The following PPP1R12A variants were observed in gnomAD, a reference collection of about 807,000 sequenced individuals.
PPP1R12A encodes myosin binding subunit.
Under a neutral mutation model 139.6 loss-of-function variants are expected in PPP1R12A, and 19 were observed. The observed-to-expected ratio is 0.14, with a 90% CI of 0.09 to 0.20. The LOEUF (loss-of-function observed/expected upper bound fraction) is 0.20, where lower values mean the gene tolerates loss of function less well. Ranked by LOEUF, PPP1R12A falls within the 10% of genes least tolerant of loss-of-function variation. PPP1R12A has a pLI of 1.00. For missense variants in PPP1R12A, 925 were observed against 1,211.5 expected (o/e 0.76, Z 3.51); for synonymous variants, 427 against 420.6 (o/e 1.02, Z -0.19).
intron 1 of PPP1R12A, among the ~76,000 whole-genome samples, chr12:79,921,194 T>C (rs1339699802): frequency 6.6e-6 from 1 of 152,038 alleles, no homozygotes; most frequent in Non-Finnish European, 1.5e-5. Flanking sequence ...GTAGAGGAGA[T>C]GTACTGTATG....
intron 1 of PPP1R12A, among the ~76,000 whole-genome samples, chr12:79,912,009 T>C (rs893110298): frequency 6.6e-6 from 1 of 152,226 alleles, no homozygotes; most frequent in Non-Finnish European, 1.5e-5. Flanking sequence ...CTGTTTGCTA[T>C]ACCATTCTTC....
chr12:79,854,738 C>T (rs1279027936), intron 2 of PPP1R12A, among the ~76,000 whole-genome samples: 1 of 151,982 alleles, frequency 6.6e-6, no homozygotes, highest in Non-Finnish European at 1.5e-5. Flanking sequence ...CAGGTGCAAT[C>T]ATAGTTTACT....
chr12:79,918,221 T>C (rs563955498), intron 1 of PPP1R12A, among the ~76,000 whole-genome samples: 2 of 151,738 alleles, frequency 1.3e-5, no homozygotes, highest in Non-Finnish European at 2.9e-5. Context: ...TCATAAATTG[T>C]TTTCTACTTG....
chr12:79,784,894 C>T lies in PPP1R12A; in HGVS notation c.2907+1480G>A, dbSNP rs113371992. 9.7e-3 allele frequency among the ~76,000 whole-genome samples: 1,482 copies of T among 152,274 alleles called. 31 individuals carry two copies. The highest frequency in any genetic ancestry group is 0.034 in the African/African-American group (1,427 of 41,540). ...CCTCAGGTGATCCGCCCACCTTGGA[C>T]TCCCAAAGTGCTGGAATTACAGGCG... On this transcript the variant is annotated intron_variant, in intron 22 of 24. Transcript: ENST00000450142.
intron 1 of PPP1R12A, chr12:79,913,653 T>C (rs1886769709): frequency 1.3e-5 from 2 of 152,214 alleles, no homozygotes; most frequent in African/African-American, 2.4e-5. Flanking sequence ...GACTTGGCTG[T>C]GCCTGGTCTT....
intron 3 of PPP1R12A, among the ~76,000 whole-genome samples, chr12:79,838,029 T>C (rs1878288284): frequency 6.6e-6 from 1 of 152,162 alleles, no homozygotes; most frequent in Non-Finnish European, 1.5e-5. Flanking sequence ...TGGAACAGTT[T>C]AGAGGGCTCA....
At chr12:79,800,420 TTTCTC>T (rs541111014) in intron 14 of PPP1R12A, among the ~76,000 whole-genome samples, 2 of 152,188 alleles carry the variant, frequency 1.3e-5, no homozygotes, top group Non-Finnish European at 2.9e-5. Flanking sequence ...ATAACATTCT[TTTCTC>T]TAGCTAGCTT....
intron 3 of PPP1R12A, among the ~76,000 whole-genome samples, chr12:79,837,583 T>C (rs1878231091): frequency 6.6e-6 from 1 of 152,222 alleles, no homozygotes; most frequent in South Asian, 2.1e-4. Context: ...CATCTTGAAT[T>C]GTAGTTCCCA....
chr12:79,919,332 G>A (rs201580562), intron 1 of PPP1R12A, among the ~76,000 whole-genome samples: 11 of 151,542 alleles, frequency 7.3e-5, no homozygotes, highest in East Asian at 5.9e-4. Context: ...TGAGGCGGGC[G>A]GATCACGAGG....
chr12:79,914,649 G>C lies in PPP1R12A; in HGVS notation c.237+20046C>G, dbSNP rs1886848194. On this transcript the variant is annotated intron_variant, in intron 1 of 24. Transcript: ENST00000450142. ...CAGTTAGAGTAGGCATGTTTTTTCA[G>C]AGGGGTTCAGCCCCATCAGCCACCA... is the stretch of plus-strand genomic sequence containing the variant. 3.3e-5 allele frequency among the ~76,000 whole-genome samples: 5 copies of C among 151,896 alleles called. No individual in the cohort carries two copies. In the South Asian group the frequency reaches 1.0e-3, roughly 32 times the overall value.
intron 2 of PPP1R12A, among the ~76,000 whole-genome samples, chr12:79,864,448 A>G (rs1236302433): frequency 1.3e-5 from 2 of 152,214 alleles, no homozygotes; most frequent in Non-Finnish European, 2.9e-5. Flanking sequence ...ACAAGAGCAA[A>G]CAAATTCAAA....
intron 14 of PPP1R12A, 48 bp downstream of exon 14, chr12:79,805,544 C>A (rs750159318): frequency 6.5e-6 from 10 of 1,541,824 alleles, no homozygotes; most frequent in Non-Finnish European, 8.8e-6. Flanking sequence ...AAACAACTTT[C>A]ATCACTGGGC....
intron 11 of PPP1R12A, 103 bp downstream of exon 11, chr12:79,808,380 A>G (rs564001736): frequency 1.3e-6 from 1 of 796,734 alleles, no homozygotes; most frequent in Non-Finnish European, 2.0e-6. Context: ...ATCTCTTCCC[A>G]CAATACATAT....
At chr12:79,845,768 G>A (rs1293269875) in intron 2 of PPP1R12A, among the ~76,000 whole-genome samples, 1 of 152,078 alleles carries the variant, frequency 6.6e-6, no homozygotes, top group East Asian at 1.9e-4. Context: ...CCCGGGAGGT[G>A]GAGCTTGCAG....
chr12:79,792,546 C>T (rs1872015590), intron 19 of PPP1R12A, among the ~76,000 whole-genome samples: 2 of 152,144 alleles, frequency 1.3e-5, no homozygotes, highest in South Asian at 4.1e-4. Flanking sequence ...ACAAAAACTA[C>T]TTAAATTGAA....
intron 19 of PPP1R12A, among the ~76,000 whole-genome samples, chr12:79,793,123 C>G (rs911902592): frequency 3.3e-5 from 5 of 152,130 alleles, no homozygotes; most frequent in African/African-American, 2.4e-5. Context: ...CTATTTCATG[C>G]TAGACAGTGC....
intron 4 of PPP1R12A, among the ~76,000 whole-genome samples, chr12:79,830,459 G>T (rs377380705): frequency 5.3e-5 from 8 of 152,054 alleles, no homozygotes; most frequent in African/African-American, 1.9e-4. Context: ...CTGCTAGCAC[G>T]TATCTTACTT....
chr12:79,855,723 C>G (rs1880571038), intron 2 of PPP1R12A, among the ~76,000 whole-genome samples: 1 of 151,950 alleles, frequency 6.6e-6, no homozygotes. Context: ...ACAAACCACA[C>G]ATTTACAGTT....
intron 2 of PPP1R12A, among the ~76,000 whole-genome samples, chr12:79,864,340 G>C (rs1183700800): frequency 1.3e-5 from 2 of 152,172 alleles, no homozygotes; most frequent in African/African-American, 4.8e-5. Context: ...ATTTAAAGCA[G>C]TGTATACAGG....
Sources: gnomAD v4.1 joint callset for allele counts (sites outside exome capture counted in the v4.1 genomes callset) on GRCh38, gnomAD v4.1.1 for gene constraint, MANE v1.5 for transcripts, NCBI Gene and HGNC (gene_info 2026-07-23, HGNC 2026-07-21) for gene names.